The following ELMO1 variants were observed in gnomAD, a reference collection of about 807,000 sequenced individuals.
ELMO1 encodes the protein engulfment and cell motility protein 1.
In ELMO1, 26 loss-of-function variants were observed where a neutral mutation model predicts 98.9. The observed-to-expected ratio is 0.26, with a 90% CI of 0.19 to 0.36. The LOEUF (loss-of-function observed/expected upper bound fraction) is 0.36. Among genes scored for constraint, ELMO1 ranks in the 10% least tolerant of loss-of-function variants. ELMO1 has a pLI of 1.00. For missense variants in ELMO1, 627 were observed against 935.2 expected (o/e 0.67, Z 4.30); for synonymous variants, 346 against 346.0 (o/e 1.00, Z 0.00).
At chr7:36,932,325 T>C (rs767298351) in intron 16 of ELMO1, among the ~76,000 whole-genome samples, 3 of 152,164 alleles carry the variant, frequency 2.0e-5, no homozygotes, top group Non-Finnish European at 4.4e-5. Flanking sequence ...CGATACGTGA[T>C]AAAAGAAAAC....
At chr7:37,028,078 A>G (rs1794680323) in intron 15 of ELMO1, among the ~76,000 whole-genome samples, 1 of 152,048 alleles carries the variant, frequency 6.6e-6, no homozygotes, top group Non-Finnish European at 1.5e-5. Context: ...AATCTTCATA[A>G]CAGTTCCACA....
intron 5 of ELMO1, among the ~76,000 whole-genome samples, chr7:37,266,703 C>T (rs1796258785): frequency 6.6e-6 from 1 of 152,088 alleles, no homozygotes; most frequent in South Asian, 2.1e-4. Flanking sequence ...AATACCAGCA[C>T]ATGAGATAGG....
intron 1 of ELMO1, chr7:37,353,054 T>C (rs1386709503): frequency 6.6e-6 from 1 of 152,212 alleles, no homozygotes; most frequent in South Asian, 2.1e-4. Flanking sequence ...AATGGTCCAT[T>C]TGCGGCACCT....
Position 37,154,092 on chromosome 7 carries a change from A to C in ELMO1, c.1087-20858T>G, listed in dbSNP as rs141774793. Reference sequence around the variant, plus strand: ...GGGCCTGTCTGTTAGAAGGAAAACTAACAAACAGAAAGGAATAGCATCAAC... The same window carrying C: ...GGGCCTGTCTGTTAGAAGGAAAACTCACAAACAGAAAGGAATAGCATCAAC... On this transcript the variant is annotated intron_variant, in intron 13 of 21. Transcript: ENST00000310758. Among the ~76,000 whole-genome samples, 695 of 152,344 alleles carry C rather than the reference A, an allele frequency of 4.6e-3. 4 individuals carry two copies. The highest frequency in any genetic ancestry group is 0.016 in the African/African-American group (665 of 41,582).
intron 4 of ELMO1, among the ~76,000 whole-genome samples, chr7:37,297,268 A>T (rs1798079246): frequency 6.6e-6 from 1 of 152,118 alleles, no homozygotes; most frequent in Non-Finnish European, 1.5e-5. Context: ...GTATAAGTCA[A>T]CTCCTTCTGC....
rs1396331439 is a variant in ELMO1 at position 37,309,744 on chromosome 7, G to A, written c.192+5106C>T. 2.6e-5 allele frequency among the ~76,000 whole-genome samples: 4 copies of A among 152,294 alleles called. No individual in the cohort carries two copies. The South Asian group carries it at 8.3e-4, about 32-fold the overall frequency. ...GGCGGGGACTGAAAAGTCACAGCAG[G>A]TCTCTCACAAGGATGCAAAGACAGG... On this transcript the variant is annotated intron_variant, in intron 4 of 21. Transcript: ENST00000310758.
At chr7:36,856,208 T>G (rs555813715) in intron 21 of ELMO1, among the ~76,000 whole-genome samples, 44 of 152,350 alleles carry the variant, frequency 2.9e-4, no homozygotes, top group African/African-American at 1.1e-3. Flanking sequence ...GCTCCTAGTC[T>G]AGTAGCTCAT....
intron 16 of ELMO1, among the ~76,000 whole-genome samples, chr7:36,913,590 C>T (rs966161521): frequency 8.5e-5 from 13 of 152,134 alleles, no homozygotes; most frequent in East Asian, 1.9e-4. Context: ...GGACAAGAAA[C>T]GCCACATACG....
intron 18 of ELMO1, among the ~76,000 whole-genome samples, chr7:36,881,646 A>G (rs768293995): frequency 6.6e-6 from 1 of 152,106 alleles, no homozygotes; most frequent in Non-Finnish European, 1.5e-5. Context: ...TCGTGTTTCA[A>G]TCTTTTTCTT....
rs563862417 is a variant in ELMO1, at chr7:37,446,670, G to C, written c.-74+2005C>G. Reference sequence around the variant, plus strand: ...TCTTCTTGCCCAATGACTGCTCCAGGCCCTGAGTTTCCCCAGACTCCCATC... The same window carrying C: ...TCTTCTTGCCCAATGACTGCTCCAGCCCCTGAGTTTCCCCAGACTCCCATC... On this transcript the variant is annotated intron_variant, in intron 1 of 21. Coordinates refer to ENST00000310758, the MANE Select transcript of ELMO1 (RefSeq NM_014800.11). Among the ~76,000 whole-genome samples the C allele has an allele frequency of 1.3e-3, 193 of 152,252 alleles. 1 individual carries two copies. Among genetic ancestry groups the C allele is most frequent in the Admixed American group, 2.1e-3 (32 of 15,294 alleles).
intron 16 of ELMO1, among the ~76,000 whole-genome samples, chr7:37,000,526 A>G (rs902764473): frequency 9.2e-5 from 14 of 152,156 alleles, no homozygotes; most frequent in African/African-American, 3.4e-4. Context: ...TCTAAGGGGG[A>G]TGCATTTTTT....
At chr7:37,154,416 G>GA (rs140325642) in intron 13 of ELMO1, among the ~76,000 whole-genome samples, 106,822 of 152,004 alleles carry the variant, frequency 0.7, 40,343 homozygotes, top group Non-Finnish European at 0.83. Context: ...TAAAAACCCT[G>GA]AAAAAAGGTT....
chr7:37,378,801 T>G (rs1031526856), intron 1 of ELMO1, among the ~76,000 whole-genome samples: 1 of 152,168 alleles, frequency 6.6e-6, no homozygotes, highest in Non-Finnish European at 1.5e-5. Flanking sequence ...GATCCGACCT[T>G]GTGAGTATCT....
intron 13 of ELMO1, among the ~76,000 whole-genome samples, chr7:37,161,294 C>T (rs1789184710): frequency 1.3e-5 from 2 of 152,182 alleles, no homozygotes; most frequent in Admixed American, 6.5e-5. Flanking sequence ...GTCTGGCTTT[C>T]TCACTGGCTC....
At chr7:37,120,588 G>A (rs187500543) in intron 14 of ELMO1, among the ~76,000 whole-genome samples, 6 of 152,288 alleles carry the variant, frequency 3.9e-5, no homozygotes, top group Non-Finnish European at 7.4e-5. Flanking sequence ...AGGGGCACCC[G>A]CCATTGCTGA....
intron 1 of ELMO1, among the ~76,000 whole-genome samples, chr7:37,367,645 C>T (rs1408670978): frequency 4.6e-5 from 7 of 152,074 alleles, no homozygotes; most frequent in African/African-American, 1.7e-4. Flanking sequence ...AAGCATAGTG[C>T]AAATTGAATA....
At chr7:37,328,189 C>T (rs984978358) in intron 2 of ELMO1, among the ~76,000 whole-genome samples, 3 of 151,994 alleles carry the variant, frequency 2.0e-5, no homozygotes, top group Admixed American at 6.6e-5. Flanking sequence ...TCGAGACCAG[C>T]CTGGCCACAT....
At chr7:36,899,544 C>T (rs1407799672) in intron 16 of ELMO1, among the ~76,000 whole-genome samples, 1 of 152,152 alleles carries the variant, frequency 6.6e-6, no homozygotes, top group Non-Finnish European at 1.5e-5. Context: ...GGCAAACAGA[C>T]AGGTACTAGC....
chr7:36,904,135 T>C (rs1783786938), intron 16 of ELMO1, among the ~76,000 whole-genome samples: 1 of 152,244 alleles, frequency 6.6e-6, no homozygotes, highest in Non-Finnish European at 1.5e-5. Context: ...ATGGTCAGTG[T>C]TCCCAGAATC....
Sources: gnomAD v4.1 joint callset for allele counts (sites outside exome capture counted in the v4.1 genomes callset) on GRCh38, gnomAD v4.1.1 for gene constraint, MANE v1.5 for transcripts, NCBI Gene and HGNC (gene_info 2026-07-23, HGNC 2026-07-21) for gene names.